The following CTNNA2 variants were observed in gnomAD, a reference collection of about 807,000 sequenced individuals.
The protein encoded by CTNNA2 is catenin alpha 2.
A neutral mutation model predicts 101.0 loss-of-function variants in CTNNA2; 42 were observed. The observed-to-expected ratio is 0.42, with a 90% CI of 0.32 to 0.54. The LOEUF (loss-of-function observed/expected upper bound fraction) is 0.54, where lower values mean the gene tolerates loss of function less well. Ranked by LOEUF, CTNNA2 falls within the 20% of genes least tolerant of loss-of-function variation. CTNNA2 has a pLI of 0.14. For synonymous variants in CTNNA2, 450 were observed against 456.4 expected (o/e 0.99, Z 0.18); for missense variants, 871 against 1,223.1 (o/e 0.71, Z 4.29).
chr2:79,958,685 A>G (rs1371566940), intron 7 of CTNNA2, among the ~76,000 whole-genome samples: 2 of 152,212 alleles, frequency 1.3e-5, no homozygotes, highest in African/African-American at 4.8e-5. Context: ...CTATAAGATA[A>G]TACATTTGAG....
intron 7 of CTNNA2, among the ~76,000 whole-genome samples, chr2:80,233,407 G>A (rs183643497): frequency 6.6e-6 from 1 of 152,056 alleles, no homozygotes; most frequent in African/African-American, 2.4e-5. Flanking sequence ...TAATACTTAT[G>A]GCCTGTCTCT....
intron 1 of CTNNA2, chr2:79,523,091 T>A (rs1466550457): frequency 7.5e-6 from 2 of 265,578 alleles, no homozygotes; most frequent in Non-Finnish European, 1.5e-5. Context: ...ATATTATTTT[T>A]AACTAAATAT....
chr2:80,574,011 A>G, intron 12 of CTNNA2, 152 bp from the exon 13 acceptor site: 1 of 663,848 alleles, frequency 1.5e-6, no homozygotes, highest in Non-Finnish European at 2.6e-6. Flanking sequence ...CATAAAGACT[A>G]CTAAATTGGG....
chr2:79,793,787 T>C (rs1292533016), intron 3 of CTNNA2, among the ~76,000 whole-genome samples: 3 of 152,038 alleles, frequency 2.0e-5, no homozygotes, highest in African/African-American at 7.2e-5. Flanking sequence ...GAAATTACAA[T>C]ACATAATCAG....
At chr2:79,487,163 G>A (rs1223247408) in intron 4 of CTNNA2, among the ~76,000 whole-genome samples, 3 of 152,158 alleles carry the variant, frequency 2.0e-5, no homozygotes, top group Non-Finnish European at 2.9e-5. Flanking sequence ...TTTCATTTTC[G>A]TGATCTTGTA....
At chr2:80,294,593 G>C (rs1675573915) in intron 7 of CTNNA2, among the ~76,000 whole-genome samples, 1 of 152,032 alleles carries the variant, frequency 6.6e-6, no homozygotes, top group African/African-American at 2.4e-5. Context: ...CTAGCTCAGT[G>C]CTTCTCAGCC....
chr2:79,714,546 G>A (rs920266382), intron 2 of CTNNA2, among the ~76,000 whole-genome samples: 2 of 152,152 alleles, frequency 1.3e-5, no homozygotes, highest in Admixed American at 6.5e-5. Flanking sequence ...TCAATGTACA[G>A]GCAAATGTGC....
chr2:79,559,826 T>C (rs1270255257), intron 1 of CTNNA2, among the ~76,000 whole-genome samples: 1 of 151,834 alleles, frequency 6.6e-6, no homozygotes, highest in South Asian at 2.1e-4. Context: ...GATAAAATAA[T>C]ACTAACTATA....
chr2:79,316,961 A>G (rs185522444), intron 3 of CTNNA2, among the ~76,000 whole-genome samples: 5 of 152,120 alleles, frequency 3.3e-5, no homozygotes, highest in Non-Finnish European at 1.5e-5. Flanking sequence ...GCAGACGTTC[A>G]TGTCTTGTTC....
At chr2:80,298,184 C>T (rs1272467352) in intron 7 of CTNNA2, 2 of 151,740 alleles carry the variant, frequency 1.3e-5, no homozygotes, top group African/African-American at 4.8e-5. Context: ...TTTTTTTTGA[C>T]ATTCTAAACC....
chr2:80,644,863 G>A (rs1486903788), intron 18 of CTNNA2, among the ~76,000 whole-genome samples: 1 of 152,082 alleles, frequency 6.6e-6, no homozygotes, highest in African/African-American at 2.4e-5. Flanking sequence ...AGTGTATTAG[G>A]TTTATTTACA....
chr2:80,023,270 G>A lies in CTNNA2; in HGVS notation c.1056+113473G>A, dbSNP rs533800949. On this transcript the variant is annotated intron_variant, in intron 7 of 18. Transcript: ENST00000402739. The stretch of plus-strand genomic sequence containing the variant: ...TAATATTCTGAGTGAGCATTAGTGC[G>A]AGCTAATGGCTTTTTAAAGAAAATT... Among the ~76,000 whole-genome samples the A allele has an allele frequency of 6.6e-5, 10 of 152,208 alleles. No individual in the cohort carries two copies. In the East Asian group the frequency reaches 1.4e-3, roughly 21 times the overall value.
At chr2:80,036,461 C>T (rs1377448776) in intron 7 of CTNNA2, among the ~76,000 whole-genome samples, 1 of 151,974 alleles carries the variant, frequency 6.6e-6, no homozygotes, top group Non-Finnish European at 1.5e-5. Context: ...AAAAATTAGC[C>T]TGGTGTGGTG....
intron 3 of CTNNA2, among the ~76,000 whole-genome samples, chr2:79,325,940 A>G (rs1676735623): frequency 6.6e-6 from 1 of 152,226 alleles, no homozygotes; most frequent in Non-Finnish European, 1.5e-5. Context: ...TAGAGAGACC[A>G]GTACCTAACT....
intron 9 of CTNNA2, among the ~76,000 whole-genome samples, chr2:80,494,569 G>C (rs1046979479): frequency 2.0e-5 from 3 of 149,186 alleles, no homozygotes; most frequent in Non-Finnish European, 4.5e-5. Flanking sequence ...TTAGGGGGCA[G>C]AAGAGGAGTT....
At chr2:80,612,787 T>C (rs1048665480) in intron 17 of CTNNA2, among the ~76,000 whole-genome samples, 3 of 151,454 alleles carry the variant, frequency 2.0e-5, no homozygotes, top group African/African-American at 7.3e-5. Context: ...AGTCAATTCT[T>C]CATGATCTCC....
intron 1 of CTNNA2, among the ~76,000 whole-genome samples, chr2:79,623,710 A>G (rs549003234): frequency 2.6e-5 from 4 of 152,338 alleles, no homozygotes; most frequent in African/African-American, 4.8e-5. Context: ...AACAAAATTC[A>G]GATGCATGTG....
chr2:80,330,456 C>G (rs1487970715), intron 7 of CTNNA2, among the ~76,000 whole-genome samples: 1 of 151,354 alleles, frequency 6.6e-6, no homozygotes, highest in Non-Finnish European at 1.5e-5. Flanking sequence ...CTAGGTCTTT[C>G]TGACCCCAAA....
At chr2:80,188,521 A>G (rs1006845104) in intron 7 of CTNNA2, among the ~76,000 whole-genome samples, 4 of 152,150 alleles carry the variant, frequency 2.6e-5, no homozygotes, top group Non-Finnish European at 4.4e-5. Flanking sequence ...TATGGTCTCA[A>G]TGGACTAAAA....
Sources: gnomAD v4.1 joint callset for allele counts (sites outside exome capture counted in the v4.1 genomes callset) on GRCh38, gnomAD v4.1.1 for gene constraint, MANE v1.5 for transcripts, NCBI Gene and HGNC (gene_info 2026-07-23, HGNC 2026-07-21) for gene names.